CNTN4: variants seen among roughly 807,000 people sequenced by gnomAD.
CNTN4 encodes contactin-4.
In CNTN4, 77 loss-of-function variants were observed where a neutral mutation model predicts 122.5. That is an observed-to-expected ratio of 0.63 (90% confidence interval 0.52 to 0.76). The LOEUF is 0.76. Among genes scored for constraint, CNTN4 ranks in the 30% least tolerant of loss-of-function variants. CNTN4 has a pLI of 0.00. For synonymous variants in CNTN4, 512 were observed against 447.0 expected (o/e 1.15, Z -1.83); for missense variants, 1,256 against 1,259.1 (o/e 1.00, Z 0.04).
intron 3 of CNTN4, among the ~76,000 whole-genome samples, chr3:2,567,299 G>A (rs1204728340): frequency 3.9e-5 from 6 of 152,004 alleles, no homozygotes; most frequent in African/African-American, 1.2e-4. Flanking sequence ...TGTTAGCCAG[G>A]ATGGTCTTGA....
rs551057143 is a variant in CNTN4, at chr3:2,192,373, A to G, written c.-145+91734A>G. On this transcript the variant is annotated intron_variant, in intron 2 of 24. Coordinates refer to ENST00000418658, the MANE Select transcript of CNTN4 (RefSeq NM_175607.3). ...AGTGTAAAAGTGTTCCTATTTCTCCACATCCTCTCCAGCACCTGTTGTTTC... is the reference window on the plus strand; with the variant it reads ...AGTGTAAAAGTGTTCCTATTTCTCCGCATCCTCTCCAGCACCTGTTGTTTC... Among the ~76,000 whole-genome samples the G allele has an allele frequency of 2.6e-5, 4 of 152,198 alleles. No homozygotes were observed. The South Asian group carries it at 8.3e-4, about 32-fold the overall frequency.
intron 14 of CNTN4, among the ~76,000 whole-genome samples, chr3:3,022,846 A>G (rs1559799621): frequency 6.6e-6 from 1 of 152,176 alleles, no homozygotes; most frequent in East Asian, 1.9e-4. Flanking sequence ...CAAGTAGGAA[A>G]GTTTAGGGAT....
chr3:2,359,310 T>C (rs2045014053), intron 3 of CNTN4, among the ~76,000 whole-genome samples: 1 of 151,870 alleles, frequency 6.6e-6, no homozygotes, highest in African/African-American at 2.4e-5. Flanking sequence ...TTACAACGTA[T>C]AATGTACAAC....
intron 13 of CNTN4, among the ~76,000 whole-genome samples, chr3:2,948,285 C>T (rs192599428): frequency 6.6e-6 from 1 of 152,124 alleles, no homozygotes; most frequent in African/African-American, 2.4e-5. Context: ...CTGTGATCTA[C>T]AAACCTACAA....
At chr3:2,344,424 C>T (rs913998325) in intron 3 of CNTN4, among the ~76,000 whole-genome samples, 7 of 152,092 alleles carry the variant, frequency 4.6e-5, no homozygotes, top group African/African-American at 9.6e-5. Flanking sequence ...GGATTACAGG[C>T]GTCTGCCACC....
chr3:2,932,048 T>C (rs997178108), intron 13 of CNTN4, among the ~76,000 whole-genome samples: 8 of 150,248 alleles, frequency 5.3e-5, no homozygotes, highest in Admixed American at 4.0e-4. Flanking sequence ...CATGTGTGTG[T>C]GTGGCCGGGG....
chr3:2,419,735 A>G (rs759436154), intron 3 of CNTN4, among the ~76,000 whole-genome samples: 3 of 152,222 alleles, frequency 2.0e-5, no homozygotes, highest in Non-Finnish European at 4.4e-5. Flanking sequence ...ACCTGTAGAA[A>G]ACCAAATGCC....
chr3:2,486,285 C>T (rs952142704), intron 3 of CNTN4, among the ~76,000 whole-genome samples: 2 of 152,154 alleles, frequency 1.3e-5, no homozygotes, highest in Non-Finnish European at 2.9e-5. Context: ...AGAACTGTAA[C>T]ACTCACCCAC....
intron 2 of CNTN4, among the ~76,000 whole-genome samples, chr3:2,206,803 G>A (rs936920238): frequency 6.6e-6 from 1 of 150,864 alleles, no homozygotes; most frequent in African/African-American, 2.4e-5. Flanking sequence ...TTTGTAAACT[G>A]CCTTAATATA....
chr3:2,748,560 A>G (rs1240777612), intron 6 of CNTN4, among the ~76,000 whole-genome samples: 1 of 152,206 alleles, frequency 6.6e-6, no homozygotes, highest in African/African-American at 2.4e-5. Context: ...CACTAAAATG[A>G]AATTAAACCT....
intron 10 of CNTN4, among the ~76,000 whole-genome samples, chr3:2,893,225 G>A (rs1264902075): frequency 6.6e-6 from 1 of 152,218 alleles, no homozygotes; most frequent in African/African-American, 2.4e-5. Flanking sequence ...AGGCAAAACT[G>A]TAGGCTTGAT....
At chr3:2,329,963 G>A (rs898263308) in intron 2 of CNTN4, among the ~76,000 whole-genome samples, 7 of 152,140 alleles carry the variant, frequency 4.6e-5, no homozygotes, top group African/African-American at 1.4e-4. Context: ...ATTTAATTCC[G>A]ATGCTGTCTA....
At chr3:2,480,273 C>A (rs2075954046) in intron 3 of CNTN4, among the ~76,000 whole-genome samples, 1 of 151,776 alleles carries the variant, frequency 6.6e-6, no homozygotes, top group African/African-American at 2.4e-5. Flanking sequence ...GCTAATGCAA[C>A]AAGACAAGAA....
intron 3 of CNTN4, among the ~76,000 whole-genome samples, chr3:2,507,791 A>C (rs2076774916): frequency 6.7e-6 from 1 of 149,178 alleles, no homozygotes; most frequent in Admixed American, 6.7e-5. Context: ...TTTTTTAGCC[A>C]TTAAAATAAG....
At chr3:2,695,628 T>C (rs778318987) in intron 4 of CNTN4, among the ~76,000 whole-genome samples, 8 of 152,160 alleles carry the variant, frequency 5.3e-5, no homozygotes, top group Non-Finnish European at 7.3e-5. Context: ...AGGGATGTTA[T>C]AGAGAAGACG....
intron 4 of CNTN4, among the ~76,000 whole-genome samples, chr3:2,644,496 G>A (rs2150140231): frequency 6.6e-6 from 1 of 151,984 alleles, no homozygotes; most frequent in South Asian, 2.1e-4. Flanking sequence ...TATCTATCTT[G>A]CCATGCTTTA....
At position 2,337,436 on chromosome 3, in the gene CNTN4, A is replaced by G. The variant is rs368361076; in HGVS notation, c.-144-1742A>G. Among the ~76,000 whole-genome samples the G allele has an allele frequency of 1.7e-4, 26 of 152,268 alleles. No individual in the cohort carries two copies. In the East Asian group the frequency reaches 5.0e-3, roughly 29 times the overall value. On this transcript the variant is annotated intron_variant, in intron 2 of 24. Coordinates refer to ENST00000418658, the MANE Select transcript of CNTN4 (RefSeq NM_175607.3). ...AATGTTACTGCTACTAGTGGATACT[A>G]TAACTAGTGGCTAAACTGAATAGCT...
intron 6 of CNTN4, among the ~76,000 whole-genome samples, chr3:2,799,519 G>C (rs1016566080): frequency 6.6e-6 from 1 of 151,964 alleles, no homozygotes; most frequent in African/African-American, 2.4e-5. Context: ...CTGGAGTGCA[G>C]TGGCACAATC....
chr3:2,764,418 CT>C (rs2090744679), intron 6 of CNTN4, among the ~76,000 whole-genome samples: 1 of 152,126 alleles, frequency 6.6e-6, no homozygotes, highest in South Asian at 2.1e-4. Flanking sequence ...TACAAAGGTG[CT>C]GTGGTGGCAT....
Sources: gnomAD v4.1 joint callset for allele counts (sites outside exome capture counted in the v4.1 genomes callset) on GRCh38, gnomAD v4.1.1 for gene constraint, MANE v1.5 for transcripts, NCBI Gene and HGNC (gene_info 2026-07-23, HGNC 2026-07-21) for gene names.